CERS6: variants seen among roughly 807,000 people sequenced by gnomAD.
CERS6 encodes ceramide synthase 6, also known as LAG1 homolog, ceramide synthase 6.
Under a neutral mutation model 56.8 loss-of-function variants are expected in CERS6, and 26 were observed. The observed-to-expected ratio is 0.46, with a 90% CI of 0.34 to 0.63. The LOEUF (loss-of-function observed/expected upper bound fraction) is 0.63, where lower values mean the gene tolerates loss of function less well. Ranked by LOEUF, CERS6 falls within the 30% of genes least tolerant of loss-of-function variation. CERS6 has a pLI of 0.01. For synonymous variants in CERS6, 164 were observed against 173.3 expected (o/e 0.95, Z 0.42); for missense variants, 415 against 467.5 (o/e 0.89, Z 1.04).
intron 3 of CERS6, among the ~76,000 whole-genome samples, chr2:168,600,877 C>G (rs1481809404): frequency 1.3e-5 from 2 of 152,180 alleles, no homozygotes; most frequent in Admixed American, 6.5e-5. Context: ...AGTCTAGTTC[C>G]TACTTTTCTA....
intron 3 of CERS6, among the ~76,000 whole-genome samples, chr2:168,592,277 T>TG (rs1325834889): frequency 6.6e-6 from 1 of 151,548 alleles, no homozygotes; most frequent in African/African-American, 2.4e-5. Flanking sequence ...CAGAAAATGG[T>TG]GAATGGAAAG....
intron 4 of CERS6, among the ~76,000 whole-genome samples, chr2:168,686,227 T>A (rs1429751234): frequency 1.3e-5 from 2 of 150,702 alleles, no homozygotes; most frequent in Non-Finnish European, 2.9e-5. Context: ...CACTTGGTCT[T>A]CCCTCTGAGC....
At chr2:168,628,093 C>T (rs1054170596) in intron 3 of CERS6, among the ~76,000 whole-genome samples, 4 of 152,136 alleles carry the variant, frequency 2.6e-5, no homozygotes, top group African/African-American at 9.7e-5. Flanking sequence ...ATTATATTGG[C>T]AATGCCTAAA....
intron 3 of CERS6, among the ~76,000 whole-genome samples, chr2:168,588,712 G>A (rs1406454341): frequency 6.6e-6 from 1 of 152,104 alleles, no homozygotes; most frequent in Non-Finnish European, 1.5e-5. Context: ...TATGAACCTG[G>A]ATGTACAAAT....
chr2:168,695,308 A>G (rs1307278105), intron 6 of CERS6, among the ~76,000 whole-genome samples: 1 of 152,160 alleles, frequency 6.6e-6, no homozygotes. Context: ...CCCCGTAGAA[A>G]TGATTTTCTC....
intron 1 of CERS6, among the ~76,000 whole-genome samples, chr2:168,503,783 G>A (rs1442435434): frequency 6.6e-6 from 1 of 152,128 alleles, no homozygotes; most frequent in South Asian, 2.1e-4. Context: ...GTCTTTGAAG[G>A]CCTGTTAGTT....
At chr2:168,658,332 A>G (rs960968494) in intron 4 of CERS6, among the ~76,000 whole-genome samples, 2 of 152,168 alleles carry the variant, frequency 1.3e-5, no homozygotes, top group Non-Finnish European at 2.9e-5. Context: ...GGCCTGGTCA[A>G]ATTTTGAGGC....
chr2:168,708,823 G>C (rs1462601133), intron 6 of CERS6, among the ~76,000 whole-genome samples: 1 of 152,008 alleles, frequency 6.6e-6, no homozygotes, highest in African/African-American at 2.4e-5. Flanking sequence ...TTCTTAATCA[G>C]TTGCAAAAAT....
At chr2:168,593,968 C>G (rs1051381849) in intron 3 of CERS6, among the ~76,000 whole-genome samples, 5 of 152,140 alleles carry the variant, frequency 3.3e-5, no homozygotes, top group Admixed American at 2.6e-4. Flanking sequence ...AATGGTATTG[C>G]TACATTGGTT....
intron 4 of CERS6, among the ~76,000 whole-genome samples, chr2:168,633,931 T>TA (rs1330165666): frequency 1.3e-5 from 2 of 152,230 alleles, no homozygotes; most frequent in African/African-American, 4.8e-5. Context: ...AGGCTACAGC[T>TA]GCCTCTTACT....
chr2:168,516,822 G>A (rs1694892627), intron 1 of CERS6, among the ~76,000 whole-genome samples: 1 of 152,220 alleles, frequency 6.6e-6, no homozygotes, highest in Middle Eastern at 3.4e-3. Context: ...TTGTGTCACA[G>A]CAGCCCATTT....
chr2:168,755,454 C>T (rs1299521839), intron 8 of CERS6, among the ~76,000 whole-genome samples: 1 of 152,204 alleles, frequency 6.6e-6, no homozygotes, highest in Non-Finnish European at 1.5e-5. Flanking sequence ...AAGATGGATA[C>T]TGTGTGCCTC....
intron 6 of CERS6, among the ~76,000 whole-genome samples, chr2:168,708,396 T>C (rs994154601): frequency 4.5e-4 from 69 of 152,210 alleles, no homozygotes; most frequent in African/African-American, 1.6e-3. Flanking sequence ...AAAAGCATGT[T>C]ACTCTGTAAG....
chr2:168,578,916 C>T (rs1362850201), intron 3 of CERS6, among the ~76,000 whole-genome samples: 11 of 152,114 alleles, frequency 7.2e-5, no homozygotes. Flanking sequence ...GATATGATTT[C>T]ATGGCTGAAC....
intron 3 of CERS6, among the ~76,000 whole-genome samples, chr2:168,593,526 G>GTGTTT (rs148109520): frequency 0.032 from 4,902 of 151,696 alleles, 228 homozygotes; most frequent in African/African-American, 0.1. Context: ...GAGTTTCTGT[G>GTGTTT]TGTTTTGTTT....
At chr2:168,623,135 AAC>A (rs1216313123) in intron 3 of CERS6, among the ~76,000 whole-genome samples, 1 of 152,216 alleles carries the variant, frequency 6.6e-6, no homozygotes, top group Non-Finnish European at 1.5e-5. Flanking sequence ...ACAACTTTTT[AAC>A]AGTGTTTACA....
At chr2:168,703,637 A>C (rs1022147535) in intron 6 of CERS6, among the ~76,000 whole-genome samples, 3 of 152,142 alleles carry the variant, frequency 2.0e-5, no homozygotes, top group Non-Finnish European at 2.9e-5. Context: ...TTGCTTGAAA[A>C]GCTAAAATCA....
intron 8 of CERS6, among the ~76,000 whole-genome samples, chr2:168,728,344 A>C (rs1293257401): frequency 6.6e-6 from 1 of 150,812 alleles, no homozygotes; most frequent in African/African-American, 2.5e-5. Context: ...AATAGTCTTT[A>C]AAACTGTTGT....
intron 4 of CERS6, among the ~76,000 whole-genome samples, chr2:168,643,437 ACTC>A (rs1027423989): frequency 4.0e-5 from 6 of 151,774 alleles, no homozygotes; most frequent in African/African-American, 1.5e-4. Flanking sequence ...TAGAGAATGG[ACTC>A]CTCTAGTTGA....
Sources: gnomAD v4.1 joint callset for allele counts (sites outside exome capture counted in the v4.1 genomes callset) on GRCh38, gnomAD v4.1.1 for gene constraint, MANE v1.5 for transcripts, NCBI Gene and HGNC (gene_info 2026-07-23, HGNC 2026-07-21) for gene names.